The following PCDH15 variants were observed in gnomAD, a reference collection of about 807,000 sequenced individuals.
PCDH15 encodes protocadherin-15.
Under a neutral mutation model 178.5 loss-of-function variants are expected in PCDH15, and 129 were observed. The observed-to-expected ratio is 0.72, with a 90% CI of 0.63 to 0.84. The LOEUF (loss-of-function observed/expected upper bound fraction) is 0.84. Among genes scored for constraint, PCDH15 ranks in the 40% least tolerant of loss-of-function variants. PCDH15 has a pLI of 0.00. For synonymous variants in PCDH15, 800 were observed against 732.0 expected (o/e 1.09, Z -1.50); for missense variants, 2,230 against 2,099.9 (o/e 1.06, Z -1.21).
chr10:54,797,106 A>G (rs1270135447), intron 1 of PCDH15, among the ~76,000 whole-genome samples: 1 of 151,998 alleles, frequency 6.6e-6, no homozygotes, highest in Non-Finnish European at 1.5e-5. Flanking sequence ...ACAGTGCTTA[A>G]TTCTATCGGA....
intron 5 of PCDH15, among the ~76,000 whole-genome samples, chr10:54,358,546 CT>C (rs2134417545): frequency 6.6e-6 from 1 of 152,142 alleles, no homozygotes; most frequent in African/African-American, 2.4e-5. Context: ...AATAGGAACA[CT>C]TTTACACTGT....
chr10:54,139,482 A>G (rs1590734117), intron 14 of PCDH15, among the ~76,000 whole-genome samples: 1 of 152,110 alleles, frequency 6.6e-6, no homozygotes, highest in Non-Finnish European at 1.5e-5. Context: ...TTTGGTGCTC[A>G]TTGGGTGTCT....
intron 2 of PCDH15, among the ~76,000 whole-genome samples, chr10:55,118,108 G>A (rs952198628): frequency 6.6e-6 from 1 of 152,138 alleles, no homozygotes; most frequent in Non-Finnish European, 1.5e-5. Context: ...AGAAGGATCT[G>A]ACACCCCAGC....
At chr10:54,995,851 C>T (rs1839630502) in intron 2 of PCDH15, among the ~76,000 whole-genome samples, 1 of 151,850 alleles carries the variant, frequency 6.6e-6, no homozygotes. Flanking sequence ...TGACAAACTC[C>T]TCTTCCTTAC....
chr10:54,260,011 C>T (rs972988609), intron 8 of PCDH15, among the ~76,000 whole-genome samples: 22 of 152,042 alleles, frequency 1.4e-4, no homozygotes, highest in African/African-American at 4.8e-4. Flanking sequence ...AAATTTATGC[C>T]ACTAGAAGCA....
At chr10:54,481,447 CTAAT>C (rs2078710832) in intron 3 of PCDH15, among the ~76,000 whole-genome samples, 2 of 151,492 alleles carry the variant, frequency 1.3e-5, no homozygotes, top group African/African-American at 4.8e-5. Context: ...TTGTCAAATT[CTAAT>C]TAACAAAAAT....
intron 23 of PCDH15, 103 bp from the exon 24 acceptor site, chr10:53,941,078 A>G: frequency 1.3e-6 from 1 of 787,494 alleles, no homozygotes; most frequent in Non-Finnish European, 2.1e-6. Context: ...TTTCTGATAT[A>G]CCCTCTGCCC....
At chr10:53,895,763 G>T (rs961235689) in intron 26 of PCDH15, among the ~76,000 whole-genome samples, 1 of 152,090 alleles carries the variant, frequency 6.6e-6, no homozygotes, top group East Asian at 1.9e-4. Flanking sequence ...CTTAACAGGG[G>T]GTGTCACAAT....
At chr10:54,856,125 T>C (rs74138808) in intron 3 of PCDH15, among the ~76,000 whole-genome samples, 1 of 152,200 alleles carries the variant, frequency 6.6e-6, no homozygotes, top group Non-Finnish European at 1.5e-5. Context: ...ATTTTTATAA[T>C]AGTTTGTCAT....
At chr10:53,974,322 A>G (rs2134491357) in intron 21 of PCDH15, among the ~76,000 whole-genome samples, 1 of 152,298 alleles carries the variant, frequency 6.6e-6, no homozygotes, top group African/African-American at 2.4e-5. Flanking sequence ...GCCAGAAATT[A>G]AACACAATTT....
chr10:53,834,823 G>A (rs2077212775), intron 29 of PCDH15, among the ~76,000 whole-genome samples: 3 of 152,096 alleles, frequency 2.0e-5, no homozygotes, highest in Non-Finnish European at 4.4e-5. Context: ...TCACCTTCGT[G>A]ACTGATTACC....
intron 1 of PCDH15, among the ~76,000 whole-genome samples, chr10:54,682,807 A>T (rs1460132659): frequency 6.6e-6 from 1 of 152,172 alleles, no homozygotes; most frequent in African/African-American, 2.4e-5. Flanking sequence ...CTTAGCTAAA[A>T]TGAAGCTCAT....
chr10:54,842,831 G>T (rs1339220801), intron 3 of PCDH15, among the ~76,000 whole-genome samples: 3 of 151,900 alleles, frequency 2.0e-5, no homozygotes, highest in Non-Finnish European at 4.4e-5. Context: ...TCTAGTACAG[G>T]TGTTTAATAG....
chr10:55,519,650 T>G (rs1841109747), intron 2 of PCDH15, among the ~76,000 whole-genome samples: 1 of 152,080 alleles, frequency 6.6e-6, no homozygotes, highest in Non-Finnish European at 1.5e-5. Context: ...AAAATAAAAG[T>G]ACATTTATGT....
intron 16 of PCDH15, among the ~76,000 whole-genome samples, chr10:54,087,610 CT>C (rs1287233692): frequency 6.6e-6 from 1 of 152,100 alleles, no homozygotes; most frequent in Admixed American, 6.5e-5. Context: ...CTTTTATGAA[CT>C]TTCTTTGTGC....
At chr10:55,504,983 A>T (rs1840730741) in intron 2 of PCDH15, among the ~76,000 whole-genome samples, 1 of 151,462 alleles carries the variant, frequency 6.6e-6, no homozygotes, top group Non-Finnish European at 1.5e-5. Context: ...TTTGTAGCGT[A>T]TTAACAAATA....
At chr10:55,289,250 T>G (rs1842950023) in intron 1 of PCDH15, among the ~76,000 whole-genome samples, 1 of 152,010 alleles carries the variant, frequency 6.6e-6, no homozygotes, top group Non-Finnish European at 1.5e-5. Flanking sequence ...GAACTGAGAT[T>G]CTAAATTTAC....
intron 2 of PCDH15, among the ~76,000 whole-genome samples, chr10:54,579,784 T>C (rs1451768255): frequency 6.6e-6 from 1 of 151,994 alleles, no homozygotes; most frequent in African/African-American, 2.4e-5. Flanking sequence ...AACCATACTC[T>C]TGAACCACAG....
At chr10:55,568,643 T>A (rs770903077) in intron 2 of PCDH15, among the ~76,000 whole-genome samples, 1 of 152,032 alleles carries the variant, frequency 6.6e-6, no homozygotes, top group Non-Finnish European at 1.5e-5. Context: ...ATTTGACATG[T>A]TATCGGGACT....
Sources: gnomAD v4.1 joint callset for allele counts (sites outside exome capture counted in the v4.1 genomes callset) on GRCh38, gnomAD v4.1.1 for gene constraint, MANE v1.5 for transcripts, NCBI Gene and HGNC (gene_info 2026-07-23, HGNC 2026-07-21) for gene names.